RBFOX1: variants seen among roughly 807,000 people sequenced by gnomAD.
RBFOX1 encodes the protein RNA binding fox-1 homolog 1.
RBFOX1 carries 8 observed loss-of-function variants against 57.7 expected under a neutral mutation model. That is an observed-to-expected ratio of 0.14 (90% CI 0.08 to 0.25). The LOEUF (loss-of-function observed/expected upper bound fraction) is 0.25, where lower values mean the gene tolerates loss of function less well. RBFOX1 is among the 10% of genes least tolerant of loss of function. The pLI, the probability that RBFOX1 is intolerant of heterozygous loss-of-function variation, is 1.00. For missense variants in RBFOX1, 611 were observed against 548.5 expected, an observed-to-expected ratio of 1.11 and a Z score of -1.14; for synonymous variants, 326 against 222.4, an observed-to-expected ratio of 1.47 and a Z score of -4.15.
chr16:6,928,407 G>C (rs75651378), intron 3 of RBFOX1, among the ~76,000 whole-genome samples: 2 of 152,134 alleles, frequency 1.3e-5, no homozygotes, highest in Non-Finnish European at 2.9e-5. Context: ...AGCAGAGGTT[G>C]TTGTAGGATA....
intron 1 of RBFOX1, among the ~76,000 whole-genome samples, chr16:6,023,670 G>A (rs539675892): frequency 2.6e-5 from 4 of 152,300 alleles, no homozygotes; most frequent in South Asian, 2.1e-4. Context: ...AGGGCAGCTC[G>A]TCCTGCCTTT....
chr16:7,547,153 C>T (rs776574362), intron 5 of RBFOX1, among the ~76,000 whole-genome samples: 34 of 152,186 alleles, frequency 2.2e-4, no homozygotes, highest in Non-Finnish European at 4.7e-4. Flanking sequence ...CACAGCCCTG[C>T]ATATTGGCTT....
chr16:5,571,356 G>A lies in RBFOX1; in HGVS notation c.259-27546G>A, dbSNP rs930485499. ...CTGCCTCAGCCTCCCAAGTAGCTGG[G>A]ATTACAGGTGCACACCACCACGCCC... On this transcript the variant is annotated intron_variant, in intron 2 of 2. Transcript: ENST00000585867. Among the ~76,000 whole-genome samples, 72 of 151,604 alleles carry A rather than the reference G, an allele frequency of 4.7e-4. 1 individual carries two copies. Among genetic ancestry groups the A allele is most frequent in the Non-Finnish European group, 1.5e-4 (10 of 67,956 alleles).
chr16:6,073,403 A>G (rs2095859669), intron 1 of RBFOX1, among the ~76,000 whole-genome samples: 1 of 152,180 alleles, frequency 6.6e-6, no homozygotes, highest in African/African-American at 2.4e-5. Context: ...CTATCTCTTA[A>G]CTTTGAATTA....
In RBFOX1 at chr16:5,898,336, T is replaced by C. The variant is rs1048595083; in HGVS notation, c.351+31001T>C. On this transcript the variant is annotated intron_variant, in intron 4 of 19. Coordinates refer to the RBFOX1 transcript ENST00000641259. ...GACATGGCCAAACCATGTCAGGGTA[T>C]CATAGAGCAAGATCTTAACTCTTCT... Among the ~76,000 whole-genome samples the C allele has an allele frequency of 3.3e-5, 5 of 152,152 alleles. 1 individual carries two copies. The South Asian group carries it at 6.2e-4, about 19-fold the overall frequency.
chr16:6,602,092 T>A (rs2097860080), intron 2 of RBFOX1, among the ~76,000 whole-genome samples: 1 of 152,096 alleles, frequency 6.6e-6, no homozygotes, highest in African/African-American at 2.4e-5. Context: ...ATTCCCTAAG[T>A]TGTTTATTGG....
At chr16:5,707,177 G>A (rs973379821) in intron 3 of RBFOX1, among the ~76,000 whole-genome samples, 6 of 152,114 alleles carry the variant, frequency 3.9e-5, no homozygotes, top group African/African-American at 1.4e-4. Flanking sequence ...CTCTTTGTGA[G>A]CCCATGAGTA....
At chr16:6,977,027 CAT>C (rs1419432040) in intron 3 of RBFOX1, among the ~76,000 whole-genome samples, 5 of 137,100 alleles carry the variant, frequency 3.6e-5, no homozygotes, top group Admixed American at 7.6e-5. Context: ...TATCATGTAT[CAT>C]ATATATCATA....
chr16:7,356,863 A>G (rs1035893209), intron 4 of RBFOX1, among the ~76,000 whole-genome samples: 3 of 152,180 alleles, frequency 2.0e-5, no homozygotes, highest in Non-Finnish European at 4.4e-5. Flanking sequence ...CGTCTTCAGT[A>G]TCTGGGTCAC....
chr16:6,793,001 G>A (rs141040489), intron 3 of RBFOX1, among the ~76,000 whole-genome samples: 11 of 150,796 alleles, frequency 7.3e-5, no homozygotes, highest in African/African-American at 2.7e-4. Flanking sequence ...TGCACTGCAG[G>A]CTGGGCGACA....
chr16:7,595,986 A>G (rs557686645), intron 8 of RBFOX1, among the ~76,000 whole-genome samples: 136 of 151,806 alleles, frequency 9.0e-4, no homozygotes, highest in South Asian at 2.7e-3. Context: ...AACAAAATAC[A>G]GAACAGTTTC....
At chr16:5,851,940 C>A (rs189535548) in intron 3 of RBFOX1, among the ~76,000 whole-genome samples, 1 of 152,128 alleles carries the variant, frequency 6.6e-6, no homozygotes, top group Admixed American at 6.5e-5. Context: ...TAGAGGCACC[C>A]GAATTAAAAG....
intron 1 of RBFOX1, among the ~76,000 whole-genome samples, chr16:5,264,041 C>A (rs1472138312): frequency 6.6e-6 from 1 of 151,774 alleles, no homozygotes; most frequent in African/African-American, 2.4e-5. Context: ...CAGGGAAGAA[C>A]GAGTTTAGGA....
chr16:5,675,575 C>G (rs917035704), intron 3 of RBFOX1, among the ~76,000 whole-genome samples: 12 of 152,216 alleles, frequency 7.9e-5, no homozygotes, highest in Admixed American at 2.0e-4. Context: ...GGAAAACGAG[C>G]TGTTTATGTT....
chr16:6,165,310 A>G (rs2096909244), intron 1 of RBFOX1, among the ~76,000 whole-genome samples: 1 of 152,176 alleles, frequency 6.6e-6, no homozygotes, highest in African/African-American at 2.4e-5. Context: ...TTTTGGTTGA[A>G]AATATTAATC....
At chr16:7,012,046 A>G (rs1464121385) in intron 3 of RBFOX1, among the ~76,000 whole-genome samples, 1 of 152,126 alleles carries the variant, frequency 6.6e-6, no homozygotes, top group Admixed American at 6.6e-5. Context: ...GATTATCCAG[A>G]CCTCCAAAAT....
chr16:6,996,257 T>A (rs8044114), intron 3 of RBFOX1, among the ~76,000 whole-genome samples: 2 of 152,184 alleles, frequency 1.3e-5, no homozygotes, highest in Admixed American at 6.5e-5. Flanking sequence ...TAAATTCATA[T>A]AAATACAATG....
chr16:7,349,689 A>G (rs1431492070), intron 4 of RBFOX1, among the ~76,000 whole-genome samples: 1 of 152,150 alleles, frequency 6.6e-6, no homozygotes, highest in Non-Finnish European at 1.5e-5. Flanking sequence ...CTTGCTTTCC[A>G]TATGTGTTCA....
chr16:7,378,652 C>G (rs752046018), intron 4 of RBFOX1, among the ~76,000 whole-genome samples: 2 of 152,114 alleles, frequency 1.3e-5, no homozygotes, highest in Non-Finnish European at 2.9e-5. Flanking sequence ...GGTACAAATT[C>G]AGTTTTGACC....
Sources: gnomAD v4.1 joint callset for allele counts (sites outside exome capture counted in the v4.1 genomes callset) on GRCh38, gnomAD v4.1.1 for gene constraint, MANE v1.5 for transcripts, NCBI Gene and HGNC (gene_info 2026-07-23, HGNC 2026-07-21) for gene names.